Variants in CDH12 observed in about 807,000 individuals in gnomAD.
CDH12 encodes cadherin 12.
In CDH12, 41 loss-of-function variants were observed where a neutral mutation model predicts 74.1. That is an observed-to-expected ratio of 0.55 (90% CI 0.43 to 0.72). CDH12 has a LOEUF of 0.72. Among genes scored for constraint, CDH12 ranks in the 30% least tolerant of loss-of-function variants. CDH12 has a pLI of 0.00. For synonymous variants in CDH12, 399 were observed against 355.0 expected, an observed-to-expected ratio of 1.12 and a Z score of -1.39; for missense variants, 945 against 977.2, an observed-to-expected ratio of 0.97 and a Z score of 0.44.
chr5:22,056,127 AAACC>A (rs1225814594), intron 5 of CDH12, among the ~76,000 whole-genome samples: 1 of 152,136 alleles, frequency 6.6e-6, no homozygotes, highest in Non-Finnish European at 1.5e-5. Flanking sequence ...GTAAATGTTT[AAACC>A]AACCAAGGAA....
At chr5:22,185,748 G>C (rs1749906460) in intron 4 of CDH12, among the ~76,000 whole-genome samples, 1 of 152,146 alleles carries the variant, frequency 6.6e-6, no homozygotes, top group Admixed American at 6.5e-5. Flanking sequence ...GAGTTTTACT[G>C]ATTATCACTA....
At chr5:21,798,129 A>ACAGAACAT (rs1286432940) in intron 10 of CDH12, among the ~76,000 whole-genome samples, 5 of 152,050 alleles carry the variant, frequency 3.3e-5, no homozygotes, top group Admixed American at 2.0e-4. Flanking sequence ...CTAATTATCA[A>ACAGAACAT]CAGAACATCC....
At chr5:22,821,881 C>T (rs1749718971) in intron 1 of CDH12, among the ~76,000 whole-genome samples, 1 of 151,430 alleles carries the variant, frequency 6.6e-6, no homozygotes, top group African/African-American at 2.4e-5. Context: ...GAAAAAACTA[C>T]TTTAAAGTTC....
chr5:22,607,938 G>A (rs912751602), intron 1 of CDH12, among the ~76,000 whole-genome samples: 1 of 152,204 alleles, frequency 6.6e-6, no homozygotes, highest in Non-Finnish European at 1.5e-5. Flanking sequence ...GGAACACCTG[G>A]AAGTCCAGGC....
intron 4 of CDH12, among the ~76,000 whole-genome samples, chr5:22,085,505 A>T (rs958086110): frequency 2.0e-5 from 3 of 152,156 alleles, no homozygotes; most frequent in Non-Finnish European, 4.4e-5. Flanking sequence ...TTTAATGGTG[A>T]CTATGCTTGT....
intron 1 of CDH12, among the ~76,000 whole-genome samples, chr5:22,563,202 C>A (rs1005629374): frequency 6.6e-6 from 1 of 151,496 alleles, no homozygotes; most frequent in Non-Finnish European, 1.5e-5. Flanking sequence ...TGGGCTACTA[C>A]AAAAGAAAAT....
chr5:22,728,811 T>C (rs1744289715), intron 1 of CDH12, among the ~76,000 whole-genome samples: 1 of 151,826 alleles, frequency 6.6e-6, no homozygotes, highest in African/African-American at 2.4e-5. Flanking sequence ...ATAAGGTCAC[T>C]AATTCTAGCT....
intron 1 of CDH12, among the ~76,000 whole-genome samples, chr5:22,753,682 T>G (rs993609214): frequency 6.6e-6 from 1 of 150,994 alleles, no homozygotes; most frequent in African/African-American, 2.4e-5. Flanking sequence ...AAAGACAGAA[T>G]GAAAAGAAGA....
intron 3 of CDH12, among the ~76,000 whole-genome samples, chr5:22,365,143 T>C (rs992517592): frequency 2.6e-5 from 4 of 152,202 alleles, no homozygotes; most frequent in Non-Finnish European, 5.9e-5. Flanking sequence ...CTCTCTCTGC[T>C]AATAGACATG....
intron 3 of CDH12, among the ~76,000 whole-genome samples, chr5:22,404,405 A>G (rs1742854473): frequency 6.6e-6 from 1 of 152,206 alleles, no homozygotes; most frequent in Non-Finnish European, 1.5e-5. Context: ...TACAAAAAAT[A>G]AACTTGGCTT....
intron 4 of CDH12, among the ~76,000 whole-genome samples, chr5:22,165,944 G>A (rs1003284207): frequency 1.3e-5 from 2 of 152,106 alleles, no homozygotes; most frequent in African/African-American, 4.8e-5. Context: ...CCCTTGTTTA[G>A]TATATAATCA....
At chr5:22,664,160 A>G (rs1740489655) in intron 1 of CDH12, among the ~76,000 whole-genome samples, 1 of 152,222 alleles carries the variant, frequency 6.6e-6, no homozygotes, top group East Asian at 1.9e-4. Context: ...CATACACAGC[A>G]TGACTGTAGC....
intron 8 of CDH12, among the ~76,000 whole-genome samples, chr5:21,825,152 C>CA (rs34483269): frequency 0.04 from 4,830 of 121,990 alleles, 101 homozygotes; most frequent in African/African-American, 0.046. Flanking sequence ...GACTCTATCT[C>CA]AAAAAAAAAA....
chr5:22,271,329 C>G (rs1736391172), intron 3 of CDH12, among the ~76,000 whole-genome samples: 1 of 152,154 alleles, frequency 6.6e-6, no homozygotes, highest in Non-Finnish European at 1.5e-5. Context: ...AAGATTGCAG[C>G]AATTCAGTCA....
At chr5:22,011,556 A>G (rs1419134255) in intron 5 of CDH12, among the ~76,000 whole-genome samples, 1 of 152,142 alleles carries the variant, frequency 6.6e-6, no homozygotes, top group Non-Finnish European at 1.5e-5. Flanking sequence ...TTGTGGATAG[A>G]CAGAACACTT....
chr5:21,836,489 AC>A (rs1749546402), intron 8 of CDH12, among the ~76,000 whole-genome samples: 1 of 151,434 alleles, frequency 6.6e-6, no homozygotes, highest in African/African-American at 2.4e-5. Context: ...ACACACACAC[AC>A]ACACACACTC....
At chr5:22,072,928 C>T (rs994352502) in intron 5 of CDH12, among the ~76,000 whole-genome samples, 4 of 152,054 alleles carry the variant, frequency 2.6e-5, no homozygotes, top group Non-Finnish European at 5.9e-5. Context: ...TAAGCATCCA[C>T]TGGGTGTTGA....
chr5:22,815,780 AAAAAAT>A (rs1229738660), intron 1 of CDH12, among the ~76,000 whole-genome samples: 1 of 149,904 alleles, frequency 6.7e-6, no homozygotes, highest in Non-Finnish European at 1.5e-5. Flanking sequence ...AAAAAAAAAA[AAAAAAT>A]AAATAAATAA....
chr5:22,416,900 T>C (rs1337044367), intron 2 of CDH12, among the ~76,000 whole-genome samples: 3 of 152,186 alleles, frequency 2.0e-5, no homozygotes, highest in Admixed American at 2.0e-4. Flanking sequence ...GCTCTTCAGC[T>C]ACAAATTTAA....
Sources: allele counts gnomAD v4.1 joint callset (sites outside exome capture counted in the v4.1 genomes callset), GRCh38; gene constraint gnomAD v4.1.1; transcripts MANE v1.5; gene names NCBI Gene and HGNC (gene_info 2026-07-23, HGNC 2026-07-21).